CDKAL1: variants seen among roughly 807,000 people sequenced by gnomAD.
CDKAL1 encodes the protein threonylcarbamoyladenosine tRNA methylthiotransferase.
Under a neutral mutation model 68.2 loss-of-function variants are expected in CDKAL1, and 32 were observed. The observed-to-expected ratio is 0.47, with a 90% CI of 0.35 to 0.63. CDKAL1 has a LOEUF of 0.63. CDKAL1 is among the 30% of genes least tolerant of loss of function. The pLI, the probability that CDKAL1 is intolerant of heterozygous loss-of-function variation, is 0.00. For missense variants in CDKAL1, 606 were observed against 696.7 expected (o/e 0.87, Z 1.47); for synonymous variants, 234 against 244.3 (o/e 0.96, Z 0.39).
intron 15 of CDKAL1, among the ~76,000 whole-genome samples, chr6:21,220,363 G>A (rs1779494592): frequency 6.6e-6 from 1 of 152,140 alleles, no homozygotes; most frequent in South Asian, 2.1e-4. Flanking sequence ...CTTATGTGCA[G>A]TTACTAAGAG....
intron 8 of CDKAL1, among the ~76,000 whole-genome samples, chr6:20,810,295 G>T (rs775891166): frequency 6.6e-6 from 1 of 151,846 alleles, no homozygotes; most frequent in Non-Finnish European, 1.5e-5. Flanking sequence ...CAAAGTGCAG[G>T]AGTTGTTGTA....
In CDKAL1 at chr6:21,046,923, G is replaced by A. The variant is rs144352317; in HGVS notation, c.1056-18125G>A. Among the ~76,000 whole-genome samples, 613 of 152,224 alleles carry A rather than the reference G, an allele frequency of 4.0e-3. 6 individuals carry two copies. Among genetic ancestry groups the A allele is most frequent in the African/African-American group, 0.014 (584 of 41,540 alleles). On this transcript the variant is annotated intron_variant, in intron 11 of 15. Coordinates refer to ENST00000274695, the MANE Select transcript of CDKAL1 (RefSeq NM_017774.3). ...GAAATCTCCACTTCATCTCCTCCTC[G>A]TAAACCTTGCTTCAACCTTAAAGAC...
chr6:20,846,320 G>A lies in CDKAL1; in HGVS notation c.742+142G>A, dbSNP rs891950505. On this transcript the variant is annotated intron_variant, in intron 9 of 15. Coordinates refer to ENST00000274695, the MANE Select transcript of CDKAL1 (RefSeq NM_017774.3). ...TATACGAACTTAATTAATAAAAGAT[G>A]TGACCAGAGTTAATCACTTAGTTTA... is the stretch of plus-strand genomic sequence containing the variant. 8.6e-6 allele frequency: 5 copies of A among 582,604 alleles called. No individual in the cohort carries two copies. The African/African-American group carries it at 9.5e-5, about 11-fold the overall frequency. 36.1% of individuals were successfully genotyped at this position (582,604 alleles called of 1,614,324 possible).
At chr6:20,726,772 G>A (rs924947231) in intron 5 of CDKAL1, among the ~76,000 whole-genome samples, 6 of 152,160 alleles carry the variant, frequency 3.9e-5, no homozygotes, top group African/African-American at 1.4e-4. Context: ...TATTCAGCAG[G>A]TTTGGGGGAA....
chr6:21,036,978 C>A (rs73735610), intron 11 of CDKAL1, among the ~76,000 whole-genome samples: 5,475 of 152,180 alleles, frequency 0.036, 303 homozygotes, highest in African/African-American at 0.12. Context: ...CAAGAGGATT[C>A]GGATTATCAT....
intron 15 of CDKAL1, among the ~76,000 whole-genome samples, chr6:21,206,646 T>C (rs987321571): frequency 1.3e-5 from 2 of 152,172 alleles, no homozygotes; most frequent in African/African-American, 4.8e-5. Flanking sequence ...AAGAAAGAAG[T>C]AGAGTAGCAT....
intron 4 of CDKAL1, among the ~76,000 whole-genome samples, chr6:20,600,960 C>G (rs1488975983): frequency 2.0e-5 from 3 of 151,956 alleles, no homozygotes; most frequent in Non-Finnish European, 4.4e-5. Context: ...ACTATCAAGT[C>G]TGGCATGTTT....
At chr6:20,761,826 G>A (rs1342486886) in intron 7 of CDKAL1, among the ~76,000 whole-genome samples, 1 of 152,186 alleles carries the variant, frequency 6.6e-6, no homozygotes, top group Non-Finnish European at 1.5e-5. Context: ...TATTCTGTAT[G>A]ATGCTGTAAT....
chr6:21,197,927 T>G, intron 13 of CDKAL1, 94 bp from the exon 14 acceptor site: 2 of 687,528 alleles, frequency 2.9e-6, no homozygotes, highest in Non-Finnish European at 4.9e-6. Context: ...CGCTACTTGG[T>G]CCAGACCTAC....
intron 15 of CDKAL1, among the ~76,000 whole-genome samples, chr6:21,221,244 G>A (rs1448590570): frequency 6.6e-6 from 1 of 152,002 alleles, no homozygotes; most frequent in Non-Finnish European, 1.5e-5. Context: ...TTTTCATGGA[G>A]GGGAAACAAG....
chr6:20,677,155 C>G (rs2127787352), intron 5 of CDKAL1, among the ~76,000 whole-genome samples: 1 of 152,220 alleles, frequency 6.6e-6, no homozygotes, highest in Middle Eastern at 3.4e-3. Flanking sequence ...ACTGCAACCT[C>G]TGCCTCCCAG....
Position 20,761,611 on chromosome 6 carries a change from A to G in CDKAL1, c.517+2968A>G, listed in dbSNP as rs569243174. Among the ~76,000 whole-genome samples, 5 of 152,306 alleles carry G rather than the reference A, an allele frequency of 3.3e-5. No homozygotes were observed. In the South Asian group the frequency reaches 8.3e-4, roughly 25 times the overall value. ...ACTAAAAGAAATGAGCTAAAAAACC[A>G]TGAAATGACATAGAGGGACTTTAAA... On this transcript the variant is annotated intron_variant, in intron 7 of 15. Coordinates refer to ENST00000274695, the MANE Select transcript of CDKAL1 (RefSeq NM_017774.3).
chr6:20,921,965 G>A (rs762532716), intron 9 of CDKAL1, among the ~76,000 whole-genome samples: 9 of 152,112 alleles, frequency 5.9e-5, no homozygotes, highest in African/African-American at 1.9e-4. Context: ...TTACTTTAGC[G>A]GCCTTAGTTT....
chr6:20,629,186 C>T (rs1767564666), intron 4 of CDKAL1, among the ~76,000 whole-genome samples: 1 of 152,132 alleles, frequency 6.6e-6, no homozygotes, highest in Non-Finnish European at 1.5e-5. Flanking sequence ...AGGCCAGTTA[C>T]TTGAGTGATT....
At position 21,119,866 on chromosome 6, in the gene CDKAL1, G is replaced by T. The variant is rs139281901; in HGVS notation, c.1299+11403G>T. Among the ~76,000 whole-genome samples the T allele has an allele frequency of 1.9e-4, 29 of 152,198 alleles. No homozygotes were observed. In the South Asian group the frequency reaches 5.8e-3, roughly 30 times the overall value. ...ATCCAAGGTTCATCCATTCTCCCTT[G>T]TAAGAGTCTTACACTATAGAGCTGG... On this transcript the variant is annotated intron_variant, in intron 13 of 15. Transcript: ENST00000274695.
intron 13 of CDKAL1, among the ~76,000 whole-genome samples, chr6:21,196,023 T>C (rs1778456469): frequency 1.3e-5 from 2 of 152,196 alleles, no homozygotes; most frequent in African/African-American, 4.8e-5. Context: ...CTTTCTACTA[T>C]ATAAACATAG....
chr6:21,231,287 T>C lies in CDKAL1; in HGVS notation c.*248T>C, dbSNP rs1779965153. On this transcript the variant is annotated 3_prime_UTR_variant, in exon 16 of 16. Coordinates refer to ENST00000274695, the MANE Select transcript of CDKAL1 (RefSeq NM_017774.3). ...TCAAATTAAACTGCTTTTGGTTTAC[T>C]TTTAGCAAGAAATGCAAGCGGTTGC... 3.0e-6 allele frequency: 1 copy of C among 337,886 alleles called. No homozygotes were observed. Among genetic ancestry groups the C allele is most frequent in the Non-Finnish European group, 5.2e-6 (1 of 191,478 alleles). 20.9% of individuals were successfully genotyped at this position (337,886 alleles called of 1,614,324 possible). A position where few individuals can be genotyped will look rare whatever the true frequency, so the allele number is the denominator to read the frequency against.
At chr6:21,101,950 A>G (rs141267388) in intron 12 of CDKAL1, among the ~76,000 whole-genome samples, 216 of 151,736 alleles carry the variant, frequency 1.4e-3, no homozygotes, top group African/African-American at 4.9e-3. Context: ...TTAAGGTGTT[A>G]TTTTTTTTCT....
intron 8 of CDKAL1, among the ~76,000 whole-genome samples, chr6:20,801,584 G>GT (rs1394778794): frequency 6.6e-6 from 1 of 152,050 alleles, no homozygotes; most frequent in Non-Finnish European, 1.5e-5. Flanking sequence ...ATAGACATCA[G>GT]TATTTGTAGG....
Sources: gnomAD v4.1 joint callset for allele counts (sites outside exome capture counted in the v4.1 genomes callset) on GRCh38, gnomAD v4.1.1 for gene constraint, MANE v1.5 for transcripts, NCBI Gene and HGNC (gene_info 2026-07-23, HGNC 2026-07-21) for gene names.